INSL6: variants seen among roughly 807,000 people sequenced by gnomAD.
The protein encoded by INSL6 is insulin-like peptide INSL6.
A neutral mutation model predicts 9.4 loss-of-function variants in INSL6; 16 were observed. The ratio of observed to expected loss-of-function variants is 1.70; its 90% confidence interval spans 1.15 to 2.59. INSL6 has a LOEUF of 2.59. Among genes scored for constraint, INSL6 ranks in the 30% most tolerant of loss-of-function variants. The pLI is 0.00. For synonymous variants in INSL6, 154 were observed against 96.9 expected, an observed-to-expected ratio of 1.59 and a Z score of -3.46; for missense variants, 391 against 257.3, an observed-to-expected ratio of 1.52 and a Z score of -3.56.
intron 3 of INSL6, chr9:5,128,328 G>A (rs1586851104): frequency 4.5e-6 from 1 of 222,152 alleles, no homozygotes; most frequent in East Asian, 6.4e-5. Context: ...TCTGGATGCA[G>A]AAATCATCTA....
chr9:5,091,787 C>T, the INSL6 span, among the ~76,000 whole-genome samples: 2 of 152,010 alleles, frequency 1.3e-5, no homozygotes, highest in Non-Finnish European at 2.9e-5. Flanking sequence ...TGAATTGTAG[C>T]TGAATAAAAA....
intron 2 of INSL6, among the ~76,000 whole-genome samples, chr9:5,156,007 T>C (rs567201927): frequency 1.3e-5 from 2 of 151,796 alleles, no homozygotes; most frequent in Non-Finnish European, 2.9e-5. Flanking sequence ...ATTATCAAAA[T>C]CAGTAATAAA....
the INSL6 span, chr9:5,111,426 T>G: frequency 2.5e-6 from 1 of 397,102 alleles, no homozygotes; most frequent in Non-Finnish European, 4.9e-6. Context: ...CCCACGAAGG[T>G]CGGGAAGGTC....
At chr9:5,038,348 C>T in the INSL6 span, among the ~76,000 whole-genome samples, 1 of 152,064 alleles carries the variant, frequency 6.6e-6, no homozygotes, top group South Asian at 2.1e-4. Flanking sequence ...TGAATTCTAT[C>T]ACACATTAAA....
At chr9:5,029,930 C>A in the INSL6 span, 2 of 1,556,138 alleles carry the variant, frequency 1.3e-6, no homozygotes, top group Admixed American at 2.1e-5. Flanking sequence ...TAAAGTAACT[C>A]ACTTAATGCT....
chr9:5,178,501 G>T (rs1825370756), intron 1 of INSL6, among the ~76,000 whole-genome samples: 1 of 151,456 alleles, frequency 6.6e-6, no homozygotes, highest in African/African-American at 2.4e-5. Flanking sequence ...ACTCCAGCCA[G>T]AGTTATACAG....
the INSL6 span, among the ~76,000 whole-genome samples, chr9:5,074,914 C>T: frequency 6.6e-6 from 1 of 152,126 alleles, no homozygotes; most frequent in African/African-American, 2.4e-5. Context: ...GTTATGAATC[C>T]AAAGGAAAAG....
the INSL6 span, among the ~76,000 whole-genome samples, chr9:5,092,368 G>A: frequency 4.6e-5 from 7 of 152,060 alleles, no homozygotes; most frequent in Non-Finnish European, 5.9e-5. Context: ...GAGATAAGTC[G>A]TAATATGGTA....
chr9:5,008,415 G>A, the INSL6 span, among the ~76,000 whole-genome samples: 1 of 152,222 alleles, frequency 6.6e-6, no homozygotes, highest in Admixed American at 6.5e-5. Context: ...GTAGGAAGTG[G>A]AGATTAAGAA....
chr9:5,050,188 C>G, the INSL6 span, among the ~76,000 whole-genome samples: 1 of 152,162 alleles, frequency 6.6e-6, no homozygotes, highest in East Asian at 1.9e-4. Context: ...TATATGTACT[C>G]TGTAATTGGG....
chr9:5,109,140 C>G, the INSL6 span: 1 of 152,104 alleles, frequency 6.6e-6, no homozygotes, highest in Admixed American at 6.5e-5. Context: ...CCTCTACTCC[C>G]TACATGTACC....
the INSL6 span, chr9:5,098,620 C>G: frequency 6.6e-6 from 1 of 152,068 alleles, no homozygotes; most frequent in Non-Finnish European, 1.5e-5. Context: ...TAATCCTTCC[C>G]TTACTGTCAA....
the INSL6 span, among the ~76,000 whole-genome samples, chr9:5,035,049 G>A: frequency 1.3e-5 from 2 of 152,080 alleles, no homozygotes; most frequent in Non-Finnish European, 2.9e-5. Flanking sequence ...TGATAAAGGG[G>A]ATATCAACCC....
At chr9:5,037,732 G>T in the INSL6 span, among the ~76,000 whole-genome samples, 1 of 152,154 alleles carries the variant, frequency 6.6e-6, no homozygotes, top group African/African-American at 2.4e-5. Flanking sequence ...AGGAGGGATA[G>T]CATTAGGAAA....
At chr9:5,183,108 AATG>A (rs1341181226) in intron 1 of INSL6, among the ~76,000 whole-genome samples, 15 of 152,246 alleles carry the variant, frequency 9.9e-5, no homozygotes, top group Non-Finnish European at 1.5e-4. Context: ...CATATATAAA[AATG>A]ATGTCATAAT....
chr9:5,035,067 CAGAAAT>C, the INSL6 span, among the ~76,000 whole-genome samples: 1 of 152,160 alleles, frequency 6.6e-6, no homozygotes, highest in African/African-American at 2.4e-5. Context: ...CCCGATCCCA[CAGAAAT>C]ACAAACTACC....
the INSL6 span, among the ~76,000 whole-genome samples, chr9:5,007,981 G>A: frequency 4.0e-5 from 6 of 151,694 alleles, no homozygotes; most frequent in Admixed American, 3.3e-4. Flanking sequence ...CCCCCGCCTC[G>A]GCCTCCCAAA....
the INSL6 span, chr9:5,068,959 G>A: frequency 2.2e-6 from 2 of 930,064 alleles, no homozygotes; most frequent in Non-Finnish European, 3.2e-6. Context: ...CATTTTGTCA[G>A]AATAATCACT....
chr9:5,142,869 T>G (rs1337409367), intron 2 of INSL6, among the ~76,000 whole-genome samples: 2 of 152,196 alleles, frequency 1.3e-5, no homozygotes, highest in Admixed American at 1.3e-4. Context: ...TTGAGGTATA[T>G]TCCTTTCAAT....
Sources: gnomAD v4.1 joint callset for allele counts (sites outside exome capture counted in the v4.1 genomes callset) on GRCh38, gnomAD v4.1.1 for gene constraint, MANE v1.5 for transcripts, NCBI Gene and HGNC (gene_info 2026-07-23, HGNC 2026-07-21) for gene names.